FHIT: variants seen among roughly 807,000 people sequenced by gnomAD.
The protein encoded by FHIT is fragile histidine triad diadenosine triphosphatase, also known as bis(5'-adenosyl)-triphosphatase.
A neutral mutation model predicts 17.9 loss-of-function variants in FHIT; 19 were observed. The ratio of observed to expected loss-of-function variants is 1.06; its 90% confidence interval spans 0.74 to 1.56. The LOEUF (loss-of-function observed/expected upper bound fraction) is 1.56, where lower values mean the gene tolerates loss of function less well. FHIT is among the 40% of genes most tolerant of loss of function. The probability of loss-of-function intolerance (pLI) is 0.00; values close to 1 mark genes in which losing one functional copy is unlikely to be tolerated. For synonymous variants in FHIT, 81 were observed against 69.7 expected, an observed-to-expected ratio of 1.16 and a Z score of -0.81; for missense variants, 248 against 189.2, an observed-to-expected ratio of 1.31 and a Z score of -1.82.
chr3:61,166,600 T>A (rs990266139), intron 2 of FHIT, among the ~76,000 whole-genome samples: 17 of 152,256 alleles, frequency 1.1e-4, no homozygotes, highest in African/African-American at 4.1e-4. Flanking sequence ...TGATTTTTAA[T>A]ACACACAGTT....
At chr3:61,082,154 A>G (rs2035159683) in intron 2 of FHIT, among the ~76,000 whole-genome samples, 2 of 152,174 alleles carry the variant, frequency 1.3e-5, no homozygotes, top group Non-Finnish European at 2.9e-5. Context: ...GAATTTTTAC[A>G]GGGCACACAT....
intron 3 of FHIT, among the ~76,000 whole-genome samples, chr3:60,917,922 CTG>C (rs1194513441): frequency 1.3e-5 from 2 of 152,202 alleles, no homozygotes; most frequent in Non-Finnish European, 2.9e-5. Flanking sequence ...CATACTATGA[CTG>C]TGAACTACAC....
At chr3:60,837,053 T>C (rs1197086446) in intron 3 of FHIT, among the ~76,000 whole-genome samples, 1 of 152,192 alleles carries the variant, frequency 6.6e-6, no homozygotes, top group Non-Finnish European at 1.5e-5. Flanking sequence ...GGTTTTTAAC[T>C]AGCCACTTTG....
At chr3:61,225,142 A>C (rs948074158) in intron 1 of FHIT, among the ~76,000 whole-genome samples, 30 of 152,228 alleles carry the variant, frequency 2.0e-4, no homozygotes, top group African/African-American at 6.8e-4. Context: ...CAAGGGAAAC[A>C]GCATGAAGGA....
At chr3:59,856,481 T>C (rs1702162817) in intron 8 of FHIT, among the ~76,000 whole-genome samples, 1 of 152,198 alleles carries the variant, frequency 6.6e-6, no homozygotes, top group African/African-American at 2.4e-5. Flanking sequence ...ACCCTGTTAC[T>C]AGGACCAGGC....
intron 5 of FHIT, among the ~76,000 whole-genome samples, chr3:60,047,774 G>C (rs1014867355): frequency 4.6e-5 from 7 of 152,146 alleles, no homozygotes; most frequent in African/African-American, 1.7e-4. Flanking sequence ...GGACCACTCA[G>C]TGCCATACTA....
At chr3:59,908,843 C>A (rs1704717386) in intron 8 of FHIT, among the ~76,000 whole-genome samples, 1 of 150,858 alleles carries the variant, frequency 6.6e-6, no homozygotes, top group South Asian at 2.1e-4. Context: ...AAGAACATTT[C>A]ATTTTTTAAT....
At chr3:60,955,241 T>A (rs1709059270) in intron 3 of FHIT, among the ~76,000 whole-genome samples, 1 of 152,096 alleles carries the variant, frequency 6.6e-6, no homozygotes, top group African/African-American at 2.4e-5. Flanking sequence ...AGGAAGGAAC[T>A]ACGGCCACAT....
intron 7 of FHIT, among the ~76,000 whole-genome samples, chr3:59,989,992 T>G (rs1709156526): frequency 6.6e-6 from 1 of 152,052 alleles, no homozygotes; most frequent in Non-Finnish European, 1.5e-5. Flanking sequence ...CAGCAAAGCC[T>G]TATTTTTATG....
At chr3:60,372,295 G>C (rs1222700186) in intron 5 of FHIT, among the ~76,000 whole-genome samples, 2 of 152,062 alleles carry the variant, frequency 1.3e-5, no homozygotes, top group Non-Finnish European at 2.9e-5. Flanking sequence ...CCTGAGCATA[G>C]AGCACCACCC....
chr3:60,306,111 A>G (rs758015493), intron 5 of FHIT, among the ~76,000 whole-genome samples: 4 of 152,154 alleles, frequency 2.6e-5, no homozygotes, highest in Non-Finnish European at 5.9e-5. Flanking sequence ...CATGAGGGGT[A>G]TTAAAGCGTA....
chr3:60,123,203 T>G (rs547397669), intron 5 of FHIT, among the ~76,000 whole-genome samples: 23 of 152,326 alleles, frequency 1.5e-4, no homozygotes, highest in Admixed American at 1.1e-3. Flanking sequence ...GTTCATTTCA[T>G]AAATCTTTGC....
At chr3:61,168,891 C>A (rs145844863) in intron 2 of FHIT, among the ~76,000 whole-genome samples, 1 of 152,084 alleles carries the variant, frequency 6.6e-6, no homozygotes, top group Non-Finnish European at 1.5e-5. Context: ...GGTTGAAAGC[C>A]AGAAGCTATG....
intron 4 of FHIT, among the ~76,000 whole-genome samples, chr3:60,612,713 A>T (rs555273364): frequency 1.3e-5 from 2 of 152,222 alleles, no homozygotes; most frequent in Non-Finnish European, 2.9e-5. Flanking sequence ...TCTGTAAAAG[A>T]TCTATCTGTA....
chr3:60,981,665 G>C (rs1219096008), intron 3 of FHIT, among the ~76,000 whole-genome samples: 1 of 152,080 alleles, frequency 6.6e-6, no homozygotes, highest in African/African-American at 2.4e-5. Context: ...CTGGAGTACA[G>C]TGATATGATC....
chr3:60,644,463 G>T lies in FHIT; in HGVS notation c.-17-107484C>A, dbSNP rs545616771. Reference sequence around the variant, plus strand: ...TAAATAGATACATTTATTAATATGTGTTGAATACATAGGTATGTACCTAGG... The same window carrying T: ...TAAATAGATACATTTATTAATATGTTTTGAATACATAGGTATGTACCTAGG... On this transcript the variant is annotated intron_variant, in intron 4 of 9. Transcript: ENST00000492590. 1.0e-3 allele frequency among the ~76,000 whole-genome samples: 156 copies of T among 152,292 alleles called. 1 individual carries two copies. Among genetic ancestry groups the T allele is most frequent in the African/African-American group, 3.7e-3 (153 of 41,570 alleles).
chr3:60,436,882 A>T (rs1041536320), intron 5 of FHIT, among the ~76,000 whole-genome samples: 2 of 152,136 alleles, frequency 1.3e-5, no homozygotes, highest in African/African-American at 4.8e-5. Context: ...TAGGAAAAAC[A>T]TTATTGGTCT....
intron 8 of FHIT, among the ~76,000 whole-genome samples, chr3:59,783,525 C>T (rs181892481): frequency 1.7e-3 from 261 of 152,282 alleles, no homozygotes; most frequent in African/African-American, 5.8e-3. Flanking sequence ...GAAGCACTTG[C>T]CCTACCACAG....
intron 7 of FHIT, among the ~76,000 whole-genome samples, chr3:59,932,545 C>T (rs549441263): frequency 2.4e-4 from 36 of 152,272 alleles, no homozygotes; most frequent in Non-Finnish European, 4.6e-4. Context: ...CCTATTTTAA[C>T]GATGGGTTTA....
Sources: gnomAD v4.1 joint callset for allele counts (sites outside exome capture counted in the v4.1 genomes callset) on GRCh38, gnomAD v4.1.1 for gene constraint, MANE v1.5 for transcripts, NCBI Gene and HGNC (gene_info 2026-07-23, HGNC 2026-07-21) for gene names.